The following LYPLAL1 variants were observed in gnomAD, a reference collection of about 807,000 sequenced individuals.
The protein encoded by LYPLAL1 is lysophospholipase-like protein 1.
A neutral mutation model predicts 19.7 loss-of-function variants in LYPLAL1; 23 were observed. The ratio of observed to expected loss-of-function variants is 1.17; its 90% CI spans 0.84 to 1.65. The LOEUF (loss-of-function observed/expected upper bound fraction) is 1.65. Ranked by LOEUF, LYPLAL1 falls within the 40% of genes most tolerant of loss-of-function variation. LYPLAL1 has a pLI of 0.00. For missense variants in LYPLAL1, 355 were observed against 279.4 expected (o/e 1.27, Z -1.93); for synonymous variants, 119 against 96.3 (o/e 1.24, Z -1.38).
the LYPLAL1 span, chr1:219,442,524 G>A: frequency 1.3e-5 from 2 of 152,200 alleles, no homozygotes; most frequent in African/African-American, 2.4e-5. Flanking sequence ...AGCAAGGGAC[G>A]GACTCTTTGT....
At chr1:219,322,914 C>T in the LYPLAL1 span, among the ~76,000 whole-genome samples, 13 of 152,124 alleles carry the variant, frequency 8.5e-5, no homozygotes, top group African/African-American at 2.7e-4. Context: ...TTTGTTTAAG[C>T]GATGCTTTTC....
At chr1:219,433,828 G>A in the LYPLAL1 span, among the ~76,000 whole-genome samples, 1 of 152,194 alleles carries the variant, frequency 6.6e-6, no homozygotes, top group Non-Finnish European at 1.5e-5. Flanking sequence ...AGTTCAACTG[G>A]TTTTTGTTAT....
chr1:219,367,773 T>C, the LYPLAL1 span, among the ~76,000 whole-genome samples: 1 of 152,218 alleles, frequency 6.6e-6, no homozygotes, highest in East Asian at 1.9e-4. Flanking sequence ...CTAGAGTTCC[T>C]AACCTGAGGT....
At chr1:219,307,040 ATG>A in the LYPLAL1 span, among the ~76,000 whole-genome samples, 2 of 33,956 alleles carry the variant, frequency 5.9e-5, no homozygotes, top group Non-Finnish European at 2.3e-4. Flanking sequence ...ATATATATAT[ATG>A]TATATATATA....
the LYPLAL1 span, among the ~76,000 whole-genome samples, chr1:219,270,567 T>C: frequency 2.0e-5 from 3 of 152,164 alleles, no homozygotes; most frequent in Non-Finnish European, 2.9e-5. Flanking sequence ...TGGCGCCACA[T>C]TGCCTGGTTT....
the LYPLAL1 span, among the ~76,000 whole-genome samples, chr1:219,287,641 G>T: frequency 6.6e-6 from 1 of 152,200 alleles, no homozygotes; most frequent in South Asian, 2.1e-4. Flanking sequence ...CACTGGGAAG[G>T]CAAAATGGAG....
At chr1:219,405,538 T>C in the LYPLAL1 span, among the ~76,000 whole-genome samples, 37,859 of 152,150 alleles carry the variant, frequency 0.25, 4,797 homozygotes, top group Non-Finnish European at 0.28. Context: ...ACTTTTCATT[T>C]CTGAAACAGA....
At chr1:219,211,049 A>G (rs1369808219) in intron 4 of LYPLAL1, among the ~76,000 whole-genome samples, 1 of 152,150 alleles carries the variant, frequency 6.6e-6, no homozygotes, top group Non-Finnish European at 1.5e-5. Flanking sequence ...ATCTATGAAT[A>G]TGATGCAGCT....
chr1:219,338,517 C>T, the LYPLAL1 span, among the ~76,000 whole-genome samples: 1 of 151,830 alleles, frequency 6.6e-6, no homozygotes, highest in South Asian at 2.1e-4. Flanking sequence ...ACTTGCTGAG[C>T]CTCAGTTTCT....
chr1:219,234,738 G>A, the LYPLAL1 span, among the ~76,000 whole-genome samples: 1 of 151,846 alleles, frequency 6.6e-6, no homozygotes, highest in Non-Finnish European at 1.5e-5. Flanking sequence ...TTTTATATAG[G>A]TCATTTATAT....
chr1:219,354,282 C>T, the LYPLAL1 span, among the ~76,000 whole-genome samples: 1 of 152,168 alleles, frequency 6.6e-6, no homozygotes, highest in Admixed American at 6.5e-5. Context: ...CTGGAACCTC[C>T]ACCTCCCAGG....
the LYPLAL1 span, among the ~76,000 whole-genome samples, chr1:219,313,710 C>T: frequency 0.42 from 63,129 of 151,608 alleles, 13,739 homozygotes; most frequent in Non-Finnish European, 0.48. Context: ...AATTTTTGTA[C>T]TTTTAGTAGA....
At chr1:219,324,502 T>G in the LYPLAL1 span, among the ~76,000 whole-genome samples, 1 of 152,228 alleles carries the variant, frequency 6.6e-6, no homozygotes, top group Non-Finnish European at 1.5e-5. Context: ...CACTCGTGTT[T>G]CCTGCATTTA....
At chr1:219,406,631 T>TA in the LYPLAL1 span, among the ~76,000 whole-genome samples, 1 of 152,192 alleles carries the variant, frequency 6.6e-6, no homozygotes, top group Non-Finnish European at 1.5e-5. Context: ...GGAAATACAA[T>TA]AAAAAACAAT....
chr1:219,206,908 T>C (rs1352554350), intron 3 of LYPLAL1, among the ~76,000 whole-genome samples: 1 of 152,010 alleles, frequency 6.6e-6, no homozygotes, highest in Non-Finnish European at 1.5e-5. Context: ...ATTTTATCTT[T>C]TAATGATCTT....
chr1:219,296,109 C>A, the LYPLAL1 span, among the ~76,000 whole-genome samples: 1 of 152,138 alleles, frequency 6.6e-6, no homozygotes, highest in African/African-American at 2.4e-5. Context: ...TTTTAAAGTT[C>A]TCTGCCCATG....
the LYPLAL1 span, among the ~76,000 whole-genome samples, chr1:219,289,140 A>T: frequency 6.9e-6 from 1 of 145,106 alleles, no homozygotes; most frequent in African/African-American, 2.5e-5. Flanking sequence ...AGGATGTGTA[A>T]CTGAGATACA....
At chr1:219,191,931 G>T (rs1182185991) in intron 2 of LYPLAL1, among the ~76,000 whole-genome samples, 1 of 151,278 alleles carries the variant, frequency 6.6e-6, no homozygotes, top group Non-Finnish European at 1.5e-5. Flanking sequence ...TTAAATTTTA[G>T]TCAGTTCAAC....
At chr1:219,200,896 C>T (rs1658044616) in intron 3 of LYPLAL1, among the ~76,000 whole-genome samples, 2 of 152,204 alleles carry the variant, frequency 1.3e-5, no homozygotes, top group South Asian at 4.1e-4. Flanking sequence ...AGTCCACTAA[C>T]CTGGAATCTC....
Sources: allele counts gnomAD v4.1 joint callset (sites outside exome capture counted in the v4.1 genomes callset), GRCh38; gene constraint gnomAD v4.1.1; transcripts MANE v1.5; gene names NCBI Gene and HGNC (gene_info 2026-07-23, HGNC 2026-07-21).